CHCHD6: variants seen among roughly 807,000 people sequenced by gnomAD.
CHCHD6 encodes coiled-coil-helix-coiled-coil-helix domain containing 6, also known as MICOS complex subunit MIC25.
CHCHD6 carries 28 observed loss-of-function variants against 32.3 expected under a neutral mutation model. The ratio of observed to expected loss-of-function variants is 0.87; its 90% confidence interval spans 0.64 to 1.19. The LOEUF (loss-of-function observed/expected upper bound fraction) is 1.19. Among genes scored for constraint, CHCHD6 ranks in the 50% most tolerant of loss-of-function variants. The pLI is 0.00. For missense variants in CHCHD6, 333 were observed against 307.0 expected, an observed-to-expected ratio of 1.08 and a Z score of -0.63; for synonymous variants, 122 against 117.5, an observed-to-expected ratio of 1.04 and a Z score of -0.25.
intron 1 of CHCHD6, among the ~76,000 whole-genome samples, chr3:126,719,428 T>C (rs1292524366): frequency 6.6e-6 from 1 of 152,256 alleles, no homozygotes; most frequent in East Asian, 1.9e-4. Context: ...GATAGCCGTT[T>C]CTTCTTTCAT....
At chr3:126,767,251 G>A (rs1576391024) in intron 4 of CHCHD6, 1 of 1,418,916 alleles carries the variant, frequency 7.0e-7, no homozygotes, top group Non-Finnish European at 1.0e-6. Flanking sequence ...CGGGGCTGGG[G>A]ATAGTGTCTG....
At chr3:126,918,282 A>G (rs926493580) in intron 6 of CHCHD6, among the ~76,000 whole-genome samples, 2 of 152,224 alleles carry the variant, frequency 1.3e-5, no homozygotes, top group Non-Finnish European at 2.9e-5. Context: ...TTCTAAGACC[A>G]TGGAGTATCT....
chr3:126,921,593 A>G lies in CHCHD6; in HGVS notation c.566+6843A>G, dbSNP rs56193948. Among the ~76,000 whole-genome samples the G allele has an allele frequency of 7.3e-3, 1,105 of 152,312 alleles. 7 individuals carry two copies. The highest frequency in any genetic ancestry group is 0.012 in the Non-Finnish European group (812 of 68,028). Reference sequence around the variant, plus strand: ...TGTACAGTCCTCCCTGGTCCCACAGAGAGCCAGCCCTCAAAGAGGTTAGAA... The same window carrying G: ...TGTACAGTCCTCCCTGGTCCCACAGGGAGCCAGCCCTCAAAGAGGTTAGAA... On this transcript the variant is annotated intron_variant, in intron 6 of 7. Coordinates refer to ENST00000290913, the MANE Select transcript of CHCHD6 (RefSeq NM_032343.3).
intron 6 of CHCHD6, among the ~76,000 whole-genome samples, chr3:126,954,511 C>T (rs28488422): frequency 0.18 from 27,137 of 152,122 alleles, 2,916 homozygotes; most frequent in African/African-American, 0.29. Context: ...CACTTAGCCT[C>T]CGCCTGTCCT....
chr3:126,764,114 G>A (rs2107673589), intron 4 of CHCHD6, among the ~76,000 whole-genome samples: 1 of 148,158 alleles, frequency 6.7e-6, no homozygotes, highest in South Asian at 2.1e-4. Flanking sequence ...TTGTTTTCTA[G>A]ACAATTATAT....
intron 6 of CHCHD6, among the ~76,000 whole-genome samples, chr3:126,956,311 C>T (rs4624521): frequency 0.18 from 27,181 of 152,078 alleles, 2,949 homozygotes; most frequent in African/African-American, 0.29. Context: ...ACAGTGGGTC[C>T]GTCTACAGCT....
chr3:126,798,864 GC>G (rs2107689586), intron 4 of CHCHD6, among the ~76,000 whole-genome samples: 1 of 152,324 alleles, frequency 6.6e-6, no homozygotes, highest in South Asian at 2.1e-4. Flanking sequence ...ATTTGTAGTT[GC>G]TGAACATTCT....
intron 6 of CHCHD6, among the ~76,000 whole-genome samples, chr3:126,931,491 C>T (rs1421019367): frequency 2.0e-5 from 3 of 152,272 alleles, no homozygotes; most frequent in East Asian, 1.9e-4. Context: ...CCTGTTTACA[C>T]GGTCTGTGCT....
chr3:126,826,495 T>A (rs1052870119), intron 4 of CHCHD6, among the ~76,000 whole-genome samples: 1 of 152,116 alleles, frequency 6.6e-6, no homozygotes, highest in African/African-American at 2.4e-5. Context: ...AAGTTCCCTT[T>A]CCTGTTTTGT....
At chr3:126,779,572 T>C (rs1937828199) in intron 4 of CHCHD6, among the ~76,000 whole-genome samples, 1 of 151,546 alleles carries the variant, frequency 6.6e-6, no homozygotes, top group East Asian at 1.9e-4. Flanking sequence ...TTTATAGTTT[T>C]AGCTCTTATA....
intron 5 of CHCHD6, among the ~76,000 whole-genome samples, chr3:126,878,391 T>C (rs1192188321): frequency 6.6e-6 from 1 of 152,128 alleles, no homozygotes; most frequent in African/African-American, 2.4e-5. Flanking sequence ...TTTTATTTTA[T>C]GAAAAAGAAG....
chr3:126,934,613 A>G (rs2078452757), intron 6 of CHCHD6, among the ~76,000 whole-genome samples: 2 of 135,518 alleles, frequency 1.5e-5, no homozygotes, highest in African/African-American at 2.8e-5. Context: ...CAGTGGCACA[A>G]TCTCGGCTCA....
chr3:126,944,150 T>C (rs1559935963), intron 6 of CHCHD6, among the ~76,000 whole-genome samples: 1 of 152,260 alleles, frequency 6.6e-6, no homozygotes, highest in East Asian at 1.9e-4. Context: ...CAATAGGCGC[T>C]GAGCTGTGTT....
At chr3:126,880,039 G>T (rs1240557018) in intron 5 of CHCHD6, among the ~76,000 whole-genome samples, 2 of 152,198 alleles carry the variant, frequency 1.3e-5, no homozygotes, top group African/African-American at 4.8e-5. Flanking sequence ...CTGGGAGGAT[G>T]AAGGAACAGA....
chr3:126,845,238 TTTGCTTCTTTC>T (rs1234111096), intron 4 of CHCHD6, among the ~76,000 whole-genome samples: 8 of 152,322 alleles, frequency 5.3e-5, no homozygotes, highest in South Asian at 4.1e-4. Flanking sequence ...TTTGTTCCTC[TTTGCTTCTTTC>T]TTGCAGGTTT....
At chr3:126,823,118 T>G (rs1940222497) in intron 4 of CHCHD6, among the ~76,000 whole-genome samples, 1 of 151,332 alleles carries the variant, frequency 6.6e-6, no homozygotes, top group Non-Finnish European at 1.5e-5. Context: ...TATCTCCCTG[T>G]GTTGCCCAGG....
intron 5 of CHCHD6, among the ~76,000 whole-genome samples, chr3:126,898,393 G>A (rs1161797165): frequency 2.0e-5 from 3 of 152,208 alleles, no homozygotes; most frequent in Non-Finnish European, 2.9e-5. Context: ...GCCCGCATCT[G>A]GCCAGCTGGG....
intron 5 of CHCHD6, among the ~76,000 whole-genome samples, chr3:126,895,744 C>T (rs1559909094): frequency 6.6e-6 from 1 of 152,208 alleles, no homozygotes; most frequent in Non-Finnish European, 1.5e-5. Flanking sequence ...TATTTGCTGA[C>T]CCCATCCCCC....
chr3:126,958,088 C>T (rs2078812002), intron 7 of CHCHD6, among the ~76,000 whole-genome samples: 2 of 151,862 alleles, frequency 1.3e-5, no homozygotes. Flanking sequence ...CTGGTCACCT[C>T]CCACTCCAGT....
Sources: allele counts gnomAD v4.1 joint callset (sites outside exome capture counted in the v4.1 genomes callset), GRCh38; gene constraint gnomAD v4.1.1; transcripts MANE v1.5; gene names NCBI Gene and HGNC (gene_info 2026-07-23, HGNC 2026-07-21).